The following POC5 variants were observed in gnomAD, a reference collection of about 807,000 sequenced individuals.
POC5 encodes the protein centrosomal protein POC5.
In POC5, 48 loss-of-function variants were observed where a neutral mutation model predicts 62.9. The observed-to-expected ratio is 0.76, with a 90% CI of 0.61 to 0.97. POC5 has a LOEUF of 0.97. Ranked by LOEUF, POC5 falls within the 50% of genes least tolerant of loss-of-function variation. The pLI is 0.00. For synonymous variants in POC5, 236 were observed against 228.2 expected (o/e 1.03, Z -0.31); for missense variants, 696 against 679.5 (o/e 1.02, Z -0.27).
In POC5 at chr5:75,700,906, A is replaced by G. The variant is rs1305682920; in HGVS notation, c.513+1699T>C. On this transcript the variant is annotated intron_variant, in intron 5 of 11. Coordinates refer to ENST00000428202, the MANE Select transcript of POC5 (RefSeq NM_001099271.2). ...CAAACAACCCCATCAAAAAGTGGGC[A>G]AAGGACATGAACAGACACTTCTCAA... Among the ~76,000 whole-genome samples the G allele has an allele frequency of 3.6e-4, 48 of 131,670 alleles. 1 individual carries two copies. The highest frequency in any genetic ancestry group is 5.5e-4 in the South Asian group (2 of 3,648). 86.4% of individuals were successfully genotyped at this position (131,670 alleles called of 152,430 possible). A position where few individuals can be genotyped will look rare whatever the true frequency, so the allele number is the denominator to read the frequency against.
At chr5:75,678,232 G>C (rs976412897) in intron 10 of POC5, among the ~76,000 whole-genome samples, 1 of 151,762 alleles carries the variant, frequency 6.6e-6, no homozygotes, top group Non-Finnish European at 1.5e-5. Flanking sequence ...AAGACACAGA[G>C]ATCATATTGA....
chr5:75,711,659 A>T (rs1365612973), intron 2 of POC5, among the ~76,000 whole-genome samples: 1 of 152,200 alleles, frequency 6.6e-6, no homozygotes, highest in Non-Finnish European at 1.5e-5. Flanking sequence ...TGTACAGGGA[A>T]TATGGAGAGG....
At chr5:75,700,912 C>T (rs1776848431) in intron 5 of POC5, among the ~76,000 whole-genome samples, 1 of 136,976 alleles carries the variant, frequency 7.3e-6, no homozygotes. Flanking sequence ...GGGCAAAGGA[C>T]ATGAACAGAC....
chr5:75,674,652 C>T (rs1775585564), intron 11 of POC5, 74 bp from the exon 12 acceptor site: 1 of 1,504,174 alleles, frequency 6.6e-7, no homozygotes, highest in Admixed American at 1.9e-5. Context: ...CATCTATCAT[C>T]TATAATTTAA....
chr5:75,678,056 G>C, intron 10 of POC5, 106 bp from the exon 11 acceptor site: 9 of 890,234 alleles, frequency 1.0e-5, no homozygotes, highest in Non-Finnish European at 1.4e-5. Context: ...TAAAATAACT[G>C]TATGTTCAAC....
chr5:75,706,586 CAG>C (rs1349899956), intron 3 of POC5, among the ~76,000 whole-genome samples: 4 of 149,694 alleles, frequency 2.7e-5, no homozygotes, highest in Admixed American at 6.7e-5. Context: ...TTTTTTTAAA[CAG>C]AGTCTTGCTC....
chr5:75,701,398 T>G (rs1440118093), intron 5 of POC5, among the ~76,000 whole-genome samples: 10 of 131,246 alleles, frequency 7.6e-5, no homozygotes, highest in East Asian at 2.1e-4. Flanking sequence ...CCATAAAAAA[T>G]GATGAGTTCA....
At chr5:75,686,147 C>A (rs1776090681) in intron 9 of POC5, among the ~76,000 whole-genome samples, 1 of 152,172 alleles carries the variant, frequency 6.6e-6, no homozygotes, top group South Asian at 2.1e-4. Context: ...CAAAACTGAA[C>A]CTTAATCTTG....
chr5:75,698,535 T>G (rs1191777363), intron 5 of POC5, among the ~76,000 whole-genome samples: 2 of 151,488 alleles, frequency 1.3e-5, no homozygotes, highest in African/African-American at 4.9e-5. Flanking sequence ...CAAAGACACA[T>G]CATACCAGGA....
chr5:75,696,074 TCTCA>T (rs1776566373), intron 5 of POC5: 2 of 153,880 alleles, frequency 1.3e-5, no homozygotes, highest in Admixed American at 6.5e-5. Context: ...GCCCACGAAG[TCTCA>T]CTGATTACTA....
chr5:75,694,579 T>G (rs1332326307), intron 6 of POC5, 76 bp downstream of exon 6: 2 of 1,199,748 alleles, frequency 1.7e-6, no homozygotes, highest in African/African-American at 3.2e-5. Flanking sequence ...ATGAGGTAAA[T>G]AATCATTTCT....
intron 10 of POC5, among the ~76,000 whole-genome samples, chr5:75,681,122 T>C (rs570515377): frequency 4.1e-4 from 62 of 152,270 alleles, no homozygotes; most frequent in African/African-American, 1.4e-3. Flanking sequence ...ACAGTATTTG[T>C]AGCTTAATAT....
intron 10 of POC5, among the ~76,000 whole-genome samples, chr5:75,679,246 C>T (rs904322770): frequency 2.0e-5 from 3 of 152,068 alleles, no homozygotes; most frequent in Non-Finnish European, 4.4e-5. Flanking sequence ...TAGTTATATT[C>T]TTATAACATT....
At chr5:75,712,585 GT>G in intron 2 of POC5, 2 of 912,310 alleles carry the variant, frequency 2.2e-6, no homozygotes, top group Non-Finnish European at 3.4e-6. Context: ...ACAAAAAAAT[GT>G]TTCTTGAACA....
At chr5:75,698,205 G>A (rs1776697230) in intron 5 of POC5, among the ~76,000 whole-genome samples, 1 of 136,466 alleles carries the variant, frequency 7.3e-6, no homozygotes, top group Non-Finnish European at 1.6e-5. Flanking sequence ...ACTCAGCTCT[G>A]CACCAAGCAG....
intron 1 of POC5, among the ~76,000 whole-genome samples, chr5:75,715,094 C>T (rs184065692): frequency 1.4e-4 from 21 of 152,032 alleles, no homozygotes; most frequent in Non-Finnish European, 2.5e-4. Context: ...GGGAGGATTA[C>T]GAGGTCAGGA....
In POC5 at chr5:75,677,912, T is replaced by C; in HGVS notation, c.1446A>G (p.Ala482=). The C allele has an allele frequency of 6.2e-7, 1 of 1,608,742 alleles. No homozygotes were observed. Among genetic ancestry groups the C allele is most frequent in the Non-Finnish European group, 8.5e-7 (1 of 1,177,412 alleles). Residue 482 remains alanine (A), a synonymous_variant, in exon 11 of 12, where the codon GCA becomes GCG. Coordinates refer to ENST00000428202, the MANE Select transcript of POC5 (RefSeq NM_001099271.2). ...TGATCCGGGCTGTAATAGTTCTTCC[T>C]GCTTTCTGTTGTGCAGAGGTTACAA... ...PRVVTSAQQK[A]GRTITARITG... is the part of the protein sequence containing the mutation.
intron 5 of POC5, among the ~76,000 whole-genome samples, chr5:75,696,720 G>C (rs1464407556): frequency 3.3e-5 from 5 of 152,242 alleles, no homozygotes. Context: ...GAATGACTTT[G>C]ACGAGCTGAG....
rs1777377240 is a variant in POC5 at position 75,712,239 on chromosome 5, G to C, written c.84+615C>G. 4.5e-6 allele frequency: 5 copies of C among 1,121,808 alleles called. No individual in the cohort carries two copies. In the South Asian group the frequency reaches 5.7e-5, roughly 13 times the overall value. The allele number at this position is 1,121,808 out of a possible 1,614,324, so 69.5% of individuals were successfully genotyped here. On this transcript the variant is annotated intron_variant, in intron 2 of 11. Coordinates refer to ENST00000428202, the MANE Select transcript of POC5 (RefSeq NM_001099271.2). ...TGAGTAATACAACTGTAAAATTTAA[G>C]ATATACCATGTCATTATTCTCATAT...
Sources: allele counts gnomAD v4.1 joint callset (sites outside exome capture counted in the v4.1 genomes callset), GRCh38; gene constraint gnomAD v4.1.1; transcripts MANE v1.5; gene names NCBI Gene and HGNC (gene_info 2026-07-23, HGNC 2026-07-21).